Variants in LYPD6 observed in about 807,000 individuals in gnomAD.
The protein encoded by LYPD6 is LY6/PLAUR domain containing 6, also known as ly6/PLAUR domain-containing protein 6.
Under a neutral mutation model 22.7 loss-of-function variants are expected in LYPD6, and 15 were observed. That is an observed-to-expected ratio of 0.66 (90% CI 0.44 to 1.02). LYPD6 has a LOEUF of 1.02. Among genes scored for constraint, LYPD6 ranks in the 50% least tolerant of loss-of-function variants. The pLI is 0.00. For synonymous variants in LYPD6, 72 were observed against 77.5 expected (o/e 0.93, Z 0.37); for missense variants, 189 against 208.4 (o/e 0.91, Z 0.57).
intron 1 of LYPD6, among the ~76,000 whole-genome samples, chr2:149,360,860 A>G (rs1340067783): frequency 6.6e-6 from 1 of 152,122 alleles, no homozygotes; most frequent in Non-Finnish European, 1.5e-5. Flanking sequence ...TTTATCTGCC[A>G]GACTCTGATC....
At chr2:149,385,252 C>A (rs541112026) in intron 1 of LYPD6, among the ~76,000 whole-genome samples, 32 of 152,224 alleles carry the variant, frequency 2.1e-4, no homozygotes, top group African/African-American at 7.7e-4. Context: ...TAAACCCAGC[C>A]TACCCATCTC....
intron 1 of LYPD6, among the ~76,000 whole-genome samples, chr2:149,383,932 C>G (rs146075684): frequency 1.4e-3 from 209 of 152,292 alleles, no homozygotes; most frequent in African/African-American, 4.7e-3. Context: ...CTCCCATAGA[C>G]AGTCAATCAG....
chr2:149,342,484 A>C (rs1681182221), intron 1 of LYPD6, among the ~76,000 whole-genome samples: 1 of 152,154 alleles, frequency 6.6e-6, no homozygotes, highest in African/African-American at 2.4e-5. Flanking sequence ...GATACAGCAT[A>C]TGTTGAATGT....
At chr2:149,447,424 G>A (rs1237786050) in intron 2 of LYPD6, among the ~76,000 whole-genome samples, 1 of 152,188 alleles carries the variant, frequency 6.6e-6, no homozygotes, top group Non-Finnish European at 1.5e-5. Flanking sequence ...TTCCTGGAAT[G>A]GCCTAGTCCT....
chr2:149,437,982 C>A (rs902130481), intron 2 of LYPD6, among the ~76,000 whole-genome samples, 156 bp downstream of exon 2: 3 of 152,142 alleles, frequency 2.0e-5, no homozygotes, highest in Non-Finnish European at 2.9e-5. Context: ...TTATGCTTTA[C>A]CCTCACCTTT....
intron 1 of LYPD6, among the ~76,000 whole-genome samples, chr2:149,341,748 G>A (rs1239597138): frequency 3.3e-5 from 5 of 152,194 alleles, no homozygotes; most frequent in East Asian, 3.9e-4. Context: ...CTTTGTTGCT[G>A]TGTCCTCACA....
At chr2:149,370,985 A>T (rs1681795116) in intron 1 of LYPD6, among the ~76,000 whole-genome samples, 1 of 152,178 alleles carries the variant, frequency 6.6e-6, no homozygotes, top group African/African-American at 2.4e-5. Context: ...AACGTAGCTA[A>T]TGACAACTGT....
intron 2 of LYPD6, among the ~76,000 whole-genome samples, chr2:149,443,047 A>C (rs1217116377): frequency 6.6e-6 from 1 of 152,204 alleles, no homozygotes; most frequent in Non-Finnish European, 1.5e-5. Context: ...TTGCTGCCAT[A>C]GTATTTTAGT....
chr2:149,470,218 T>G (rs142242819), intron 4 of LYPD6, among the ~76,000 whole-genome samples: 16 of 152,196 alleles, frequency 1.1e-4, no homozygotes, highest in African/African-American at 3.6e-4. Flanking sequence ...GAGACACTTA[T>G]GCAAACAGTT....
intron 1 of LYPD6, among the ~76,000 whole-genome samples, chr2:149,387,488 T>C (rs1159840956): frequency 6.6e-6 from 1 of 152,196 alleles, no homozygotes; most frequent in Non-Finnish European, 1.5e-5. Context: ...TTAATAAATA[T>C]GTACCTAAGA....
chr2:149,406,733 T>C (rs1161565925), intron 1 of LYPD6, among the ~76,000 whole-genome samples: 1 of 151,788 alleles, frequency 6.6e-6, no homozygotes, highest in Admixed American at 6.6e-5. Context: ...TCCATTTACA[T>C]TTAAAGTTAA....
At chr2:149,460,554 A>G (rs569169997) in intron 3 of LYPD6, among the ~76,000 whole-genome samples, 2 of 152,256 alleles carry the variant, frequency 1.3e-5, no homozygotes, top group South Asian at 4.1e-4. Flanking sequence ...CTTCAACACC[A>G]CTCTTTCAAA....
chr2:149,468,457 GTCC>G (rs1681255851), intron 3 of LYPD6, among the ~76,000 whole-genome samples, 185 bp from the exon 4 acceptor site: 2 of 152,154 alleles, frequency 1.3e-5, no homozygotes, highest in Admixed American at 6.5e-5. Context: ...TTTGAAGGTT[GTCC>G]TCCTACCATG....
At chr2:149,459,614 T>C (rs935263196) in intron 3 of LYPD6, among the ~76,000 whole-genome samples, 6 of 152,108 alleles carry the variant, frequency 3.9e-5, no homozygotes, top group African/African-American at 1.2e-4. Context: ...AATACAATTA[T>C]ATTACGGCCA....
intron 1 of LYPD6, among the ~76,000 whole-genome samples, chr2:149,427,825 T>C (rs1366483376): frequency 6.6e-6 from 1 of 152,200 alleles, no homozygotes; most frequent in Non-Finnish European, 1.5e-5. Flanking sequence ...CGTATCCTCG[T>C]TGTTAAATGA....
intron 3 of LYPD6, among the ~76,000 whole-genome samples, chr2:149,454,656 CTGCCTG>C (rs1208818536): frequency 6.6e-6 from 1 of 152,116 alleles, no homozygotes; most frequent in Non-Finnish European, 1.5e-5. Context: ...TTACTAGATA[CTGCCTG>C]ACCGTTTGCA....
chr2:149,460,600 T>C (rs920754939), intron 3 of LYPD6, among the ~76,000 whole-genome samples: 2 of 152,176 alleles, frequency 1.3e-5, no homozygotes, highest in African/African-American at 4.8e-5. Context: ...TCAGCAAAGA[T>C]ATAGAAGAAT....
intron 1 of LYPD6, among the ~76,000 whole-genome samples, chr2:149,429,367 G>A (rs1415596671): frequency 6.6e-6 from 1 of 152,208 alleles, no homozygotes; most frequent in East Asian, 1.9e-4. Context: ...GCAAAGTTGA[G>A]GGATGAAAAT....
At chr2:149,398,353 C>A (rs1682471761) in intron 1 of LYPD6, among the ~76,000 whole-genome samples, 1 of 151,396 alleles carries the variant, frequency 6.6e-6, no homozygotes, top group Non-Finnish European at 1.5e-5. Context: ...TTGTAAAGTT[C>A]TGTTTTTCCT....
Sources: gnomAD v4.1 joint callset for allele counts (sites outside exome capture counted in the v4.1 genomes callset) on GRCh38, gnomAD v4.1.1 for gene constraint, MANE v1.5 for transcripts, NCBI Gene and HGNC (gene_info 2026-07-23, HGNC 2026-07-21) for gene names.